The following CTIF variants were observed in gnomAD, a reference collection of about 807,000 sequenced individuals.
CTIF encodes the protein cap binding complex dependent translation initiation factor.
A neutral mutation model predicts 66.0 loss-of-function variants in CTIF; 21 were observed. The observed-to-expected ratio is 0.32, with a 90% CI of 0.23 to 0.46. The LOEUF (loss-of-function observed/expected upper bound fraction) is 0.46. Ranked by LOEUF, CTIF falls within the 20% of genes least tolerant of loss-of-function variation. The probability of loss-of-function intolerance (pLI) is 1.00; values close to 1 mark genes in which losing one functional copy is unlikely to be tolerated. For missense variants in CTIF, 739 were observed against 812.7 expected, an observed-to-expected ratio of 0.91 and a Z score of 1.10; for synonymous variants, 345 against 326.4, an observed-to-expected ratio of 1.06 and a Z score of -0.62.
intron 2 of CTIF, among the ~76,000 whole-genome samples, chr18:48,633,769 A>G (rs1390917193): frequency 6.6e-6 from 1 of 152,114 alleles, no homozygotes; most frequent in Non-Finnish European, 1.5e-5. Flanking sequence ...TTATGTATGC[A>G]TGTATTTTAC....
intron 9 of CTIF, among the ~76,000 whole-genome samples, chr18:48,805,193 G>C (rs982392918): frequency 6.6e-6 from 1 of 152,194 alleles, no homozygotes; most frequent in Non-Finnish European, 1.5e-5. Context: ...CCAGCCCTCT[G>C]CTTCACTGTT....
Position 48,560,226 on chromosome 18 carries a change from A to G in CTIF, c.-29+20914A>G, listed in dbSNP as rs951099428. Among the ~76,000 whole-genome samples, 700 of 131,358 alleles carry G rather than the reference A, an allele frequency of 5.3e-3. 1 individual carries two copies. The highest frequency in any genetic ancestry group is 6.7e-3 in the Non-Finnish European group (404 of 60,708). The allele number at this position is 131,358 out of a possible 152,430, so 86.2% of individuals were successfully genotyped here. A position where few individuals can be genotyped will look rare whatever the true frequency, so the allele number is the denominator to read the frequency against. ...AGGAATTTCATAGAATTTGGAGGCT[A>G]TTTTTTTTTTTTTTTTTTGAGACAG... is the stretch of plus-strand genomic sequence containing the variant. On this transcript the variant is annotated intron_variant, in intron 1 of 11. Transcript: ENST00000256413.
At chr18:48,703,419 G>A (rs1237041545) in intron 6 of CTIF, among the ~76,000 whole-genome samples, 1 of 152,138 alleles carries the variant, frequency 6.6e-6, no homozygotes, top group Non-Finnish European at 1.5e-5. Flanking sequence ...ACCACTGCAC[G>A]GCTGCACCAC....
In CTIF at chr18:48,817,321, G is replaced by A. The variant is rs779092030; in HGVS notation, c.1472G>A (p.Ser491Asn). Residue 491 changes from serine (S) to asparagine (N), a missense_variant, in exon 10 of 12, where the codon AGC (serine) becomes AAC (asparagine). Coordinates refer to ENST00000256413, the MANE Select transcript of CTIF (RefSeq NM_014772.3). ...LCEVFGTMRS[S>N]TGEPFRVLVC... ...GAGGTCTTCGGCACCATGCGCAGCAGCACAGGCGAGCCCTTCCGTGTGCTC... is the reference window on the plus strand; with the variant it reads ...GAGGTCTTCGGCACCATGCGCAGCAACACAGGCGAGCCCTTCCGTGTGCTC... 6.2e-7 allele frequency: 1 copy of A among 1,613,826 alleles called. No homozygotes were observed. The highest frequency in any genetic ancestry group is 8.5e-7 in the Non-Finnish European group (1 of 1,180,026).
At chr18:48,841,590 C>T (rs2068943850) in intron 10 of CTIF, among the ~76,000 whole-genome samples, 1 of 152,236 alleles carries the variant, frequency 6.6e-6, no homozygotes, top group Admixed American at 6.5e-5. Flanking sequence ...CAAGGAGACG[C>T]TCTGTCTCTT....
chr18:48,704,347 G>A (rs924938264), intron 6 of CTIF, among the ~76,000 whole-genome samples: 30 of 152,184 alleles, frequency 2.0e-4, no homozygotes, highest in African/African-American at 7.2e-4. Context: ...ATTACCTGGT[G>A]AGCATTCAAC....
At chr18:48,741,401 A>G (rs1409214489) in intron 7 of CTIF, among the ~76,000 whole-genome samples, 3 of 143,332 alleles carry the variant, frequency 2.1e-5, no homozygotes, top group African/African-American at 5.2e-5. Flanking sequence ...GGCCCACTCC[A>G]TCAGCCAAGT....
chr18:48,709,185 A>T (rs1368094956), intron 6 of CTIF, among the ~76,000 whole-genome samples: 1 of 152,248 alleles, frequency 6.6e-6, no homozygotes, highest in Non-Finnish European at 1.5e-5. Context: ...TCACACAGCC[A>T]TCAAGAGGAA....
At chr18:48,703,485 C>T (rs1195865308) in intron 6 of CTIF, among the ~76,000 whole-genome samples, 1 of 152,188 alleles carries the variant, frequency 6.6e-6, no homozygotes, top group Non-Finnish European at 1.5e-5. Flanking sequence ...AGGAGGAAGA[C>T]TTTCTTGTGT....
At chr18:48,655,047 A>C (rs916018077) in intron 3 of CTIF, among the ~76,000 whole-genome samples, 2 of 152,070 alleles carry the variant, frequency 1.3e-5, no homozygotes, top group Non-Finnish European at 2.9e-5. Context: ...GGGTGCAGCA[A>C]ACCAACATGG....
chr18:48,577,694 T>C (rs2089565198), intron 1 of CTIF, among the ~76,000 whole-genome samples: 1 of 152,184 alleles, frequency 6.6e-6, no homozygotes, highest in South Asian at 2.1e-4. Flanking sequence ...TGCCTCAGCC[T>C]CCCAAGTAAC....
Position 48,741,281 on chromosome 18 carries a change from C to A in CTIF, c.585-16638C>A, listed in dbSNP as rs964974120. On this transcript the variant is annotated intron_variant, in intron 7 of 11. Coordinates refer to ENST00000256413, the MANE Select transcript of CTIF (RefSeq NM_014772.3). Reference sequence around the variant, plus strand: ...GGGTCTGCTCTTTACTCTGCCCCCGCCCCCCCTCCTTGGTACATGTTGCCA... The same window carrying A: ...GGGTCTGCTCTTTACTCTGCCCCCGACCCCCCTCCTTGGTACATGTTGCCA... Among the ~76,000 whole-genome samples the A allele has an allele frequency of 1.2e-3, 49 of 39,262 alleles. 1 individual carries two copies. The highest frequency in any genetic ancestry group is 4.8e-3 in the East Asian group (1 of 208). 25.8% of individuals were successfully genotyped at this position (39,262 alleles called of 152,430 possible).
intron 6 of CTIF, among the ~76,000 whole-genome samples, chr18:48,693,178 C>T (rs1224369963): frequency 4.6e-5 from 7 of 152,150 alleles, no homozygotes; most frequent in African/African-American, 7.2e-5. Context: ...GTGAAATCTA[C>T]CCGGTGCCAG....
At chr18:48,848,294 A>AGCCT (rs1214609632) in intron 10 of CTIF, among the ~76,000 whole-genome samples, 1 of 152,002 alleles carries the variant, frequency 6.6e-6, no homozygotes, top group Non-Finnish European at 1.5e-5. Flanking sequence ...CCAGCCAGCC[A>AGCCT]ACCTCAGCTC....
chr18:48,649,715 C>T (rs2091120073), intron 3 of CTIF, among the ~76,000 whole-genome samples: 1 of 152,182 alleles, frequency 6.6e-6, no homozygotes, highest in African/African-American at 2.4e-5. Flanking sequence ...CCGACTGACA[C>T]CTCATACAGG....
At chr18:48,624,783 G>C (rs891762664) in intron 2 of CTIF, among the ~76,000 whole-genome samples, 1 of 152,132 alleles carries the variant, frequency 6.6e-6, no homozygotes, top group Non-Finnish European at 1.5e-5. Context: ...CTGCTGCCCC[G>C]ATCCAGTCTC....
At chr18:48,836,960 G>A (rs2068825088) in intron 10 of CTIF, among the ~76,000 whole-genome samples, 1 of 152,200 alleles carries the variant, frequency 6.6e-6, no homozygotes, top group South Asian at 2.1e-4. Flanking sequence ...CCACATTTGG[G>A]CTGTTTGTCC....
intron 6 of CTIF, among the ~76,000 whole-genome samples, chr18:48,689,111 A>T (rs1358088051): frequency 1.3e-5 from 2 of 152,200 alleles, no homozygotes; most frequent in Admixed American, 6.5e-5. Context: ...ACCCTGGAGG[A>T]GGAGGACTGC....
intron 7 of CTIF, among the ~76,000 whole-genome samples, chr18:48,738,115 G>A (rs1442352615): frequency 6.6e-6 from 1 of 152,126 alleles, no homozygotes; most frequent in Non-Finnish European, 1.5e-5. Context: ...TGCAGTCGCT[G>A]AGGCCAGACA....
Sources: gnomAD v4.1 joint callset for allele counts (sites outside exome capture counted in the v4.1 genomes callset) on GRCh38, gnomAD v4.1.1 for gene constraint, MANE v1.5 for transcripts, NCBI Gene and HGNC (gene_info 2026-07-23, HGNC 2026-07-21) for gene names.